Variants in C1orf105 observed in about 807,000 individuals in gnomAD.
C1orf105 encodes the protein chromosome 1 open reading frame 105, also known as uncharacterized protein C1orf105.
A neutral mutation model predicts 20.8 loss-of-function variants in C1orf105; 17 were observed. The observed-to-expected ratio is 0.82, with a 90% CI of 0.56 to 1.23. C1orf105 has a LOEUF of 1.23. Among genes scored for constraint, C1orf105 ranks in the 50% most tolerant of loss-of-function variants. The pLI, the probability that C1orf105 is intolerant of heterozygous loss-of-function variation, is 0.00. For synonymous variants in C1orf105, 72 were observed against 72.1 expected (o/e 1.00, Z 0.01); for missense variants, 219 against 213.5 (o/e 1.03, Z -0.16).
At chr1:172,465,509 A>G (rs1649984440) in intron 6 of C1orf105, 146 bp downstream of exon 6, 1 of 728,132 alleles carries the variant, frequency 1.4e-6, no homozygotes, top group African/African-American at 1.7e-5. Context: ...TTGTCTTTTG[A>G]CCTGCTGGAA....
rs926448808 is a variant in C1orf105, at chr1:172,426,672, C to T, written c.21+5766C>T. ...TCCAAAATTAAAACCTTGTCTTTCCCCACTCTCTCATCTCTATATCCTATC... is the reference window on the plus strand; with the variant it reads ...TCCAAAATTAAAACCTTGTCTTTCCTCACTCTCTCATCTCTATATCCTATC... On this transcript the variant is annotated intron_variant, in intron 1 of 6. Transcript: ENST00000367727. 2.6e-5 allele frequency among the ~76,000 whole-genome samples: 4 copies of T among 151,586 alleles called. 1 individual carries two copies. The Middle Eastern group carries it at 0.014, about 516-fold the overall frequency.
chr1:172,425,706 G>C (rs1463384892), intron 1 of C1orf105, among the ~76,000 whole-genome samples: 1 of 152,098 alleles, frequency 6.6e-6, no homozygotes, highest in Non-Finnish European at 1.5e-5. Context: ...CTGTTCTGAG[G>C]AGGTTTGTGA....
At chr1:172,466,995 G>A (rs1283267942) in intron 6 of C1orf105, among the ~76,000 whole-genome samples, 3 of 152,150 alleles carry the variant, frequency 2.0e-5, no homozygotes, top group Non-Finnish European at 4.4e-5. Flanking sequence ...ATGAGACCTC[G>A]GTAGGAATCC....
chr1:172,426,711 T>C (rs1362636071), intron 1 of C1orf105, among the ~76,000 whole-genome samples: 3 of 152,148 alleles, frequency 2.0e-5, no homozygotes, highest in African/African-American at 7.2e-5. Flanking sequence ...CTAGCCTACT[T>C]CTATTGTTTT....
intron 1 of C1orf105, chr1:172,443,855 T>G: frequency 1.7e-6 from 1 of 572,330 alleles, no homozygotes; most frequent in East Asian, 1.5e-4. Context: ...CCTTCACTCT[T>G]CTGGCACCCC....
At chr1:172,434,267 C>A (rs2071964870) in intron 1 of C1orf105, among the ~76,000 whole-genome samples, 1 of 152,204 alleles carries the variant, frequency 6.6e-6, no homozygotes, top group African/African-American at 2.4e-5. Context: ...TAGACATCTA[C>A]AAAACTCTCC....
chr1:172,442,513 A>G (rs1489754694), intron 1 of C1orf105: 1 of 1,614,152 alleles, frequency 6.2e-7, no homozygotes, highest in Admixed American at 1.7e-5. Flanking sequence ...GTTTTTCCGG[A>G]GCTCTTCCAG....
intron 3 of C1orf105, chr1:172,452,859 A>G: frequency 6.9e-7 from 1 of 1,439,968 alleles, no homozygotes; most frequent in Non-Finnish European, 9.1e-7. Context: ...CTGGCTCTAG[A>G]CCTGATAAAA....
At chr1:172,426,687 T>C (rs1266717455) in intron 1 of C1orf105, among the ~76,000 whole-genome samples, 4 of 152,274 alleles carry the variant, frequency 2.6e-5, no homozygotes, top group African/African-American at 9.6e-5. Flanking sequence ...CTCTCATCTC[T>C]ATATCCTATC....
In C1orf105 at chr1:172,468,504, A is replaced by T; in HGVS notation, c.462A>T (p.Gly154=). The change falls in exon 7 of 7, where the codon GGA becomes GGT. Residue 154 remains glycine (G), a synonymous_variant. Coordinates refer to ENST00000367727, the MANE Select transcript of C1orf105 (RefSeq NM_139240.4). The stretch of plus-strand genomic sequence containing the variant: ...GCCCCAGGACAGCTGTCTTCCACGG[A>T]TTACTGACAGAGGCCTACAAAACTC... The part of the protein sequence containing the change: ...ILGPRTAVFH[G]LLTEAYKTLK... 6.2e-7 allele frequency: 1 copy of T among 1,613,956 alleles called. No individual in the cohort carries two copies. Among genetic ancestry groups the T allele is most frequent in the South Asian group, 1.1e-5 (1 of 91,064 alleles).
intron 1 of C1orf105, among the ~76,000 whole-genome samples, chr1:172,423,374 A>G (rs2071639291): frequency 6.6e-6 from 1 of 152,248 alleles, no homozygotes; most frequent in African/African-American, 2.4e-5. Context: ...GATATTATCT[A>G]GGACCACCAA....
intron 1 of C1orf105, among the ~76,000 whole-genome samples, chr1:172,429,539 A>C (rs1339040692): frequency 6.6e-6 from 1 of 152,192 alleles, no homozygotes; most frequent in Non-Finnish European, 1.5e-5. Context: ...ACAGGTTTGA[A>C]ATTTTGTATA....
intron 3 of C1orf105, among the ~76,000 whole-genome samples, chr1:172,455,935 A>G (rs761765313): frequency 3.3e-5 from 5 of 152,176 alleles, no homozygotes; most frequent in Admixed American, 6.5e-5. Context: ...TGCTTAGGAA[A>G]GGCCCGTGAA....
At chr1:172,465,175 A>G in intron 5 of C1orf105, 124 bp from the exon 6 acceptor site, 80 of 280,972 alleles carry the variant, frequency 2.8e-4, no homozygotes, top group East Asian at 4.7e-4. Flanking sequence ...AAGCGCAAAA[A>G]CTCCATCTCA....
chr1:172,462,422 CT>C (rs1449625719), intron 5 of C1orf105, among the ~76,000 whole-genome samples, 177 bp downstream of exon 5: 2 of 152,146 alleles, frequency 1.3e-5, no homozygotes, highest in African/African-American at 2.4e-5. Context: ...GAAAGTTCAC[CT>C]TTTTGCTTGA....
intron 1 of C1orf105, among the ~76,000 whole-genome samples, chr1:172,424,390 CTTTT>C (rs1553257622): frequency 2.6e-5 from 4 of 152,138 alleles, no homozygotes; most frequent in Non-Finnish European, 4.4e-5. Context: ...ATTCCCTTCT[CTTTT>C]TTATTTTGTT....
At chr1:172,457,769 T>C (rs1649396138) in intron 4 of C1orf105, among the ~76,000 whole-genome samples, 1 of 152,186 alleles carries the variant, frequency 6.6e-6, no homozygotes, top group South Asian at 2.1e-4. Flanking sequence ...CCAGGAATGA[T>C]AGAAGTGGAG....
At position 172,445,192 on chromosome 1, in the gene C1orf105, C is replaced by T. The variant is rs199500420; in HGVS notation, c.107+34C>T. 44 of 1,498,850 alleles carry T rather than the reference C, an allele frequency of 2.9e-5. No homozygotes were observed. The East Asian group carries it at 5.2e-4, about 18-fold the overall frequency. 92.8% of individuals were successfully genotyped at this position (1,498,850 alleles called of 1,614,324 possible). On this transcript the variant is annotated intron_variant, in intron 2 of 6. Coordinates refer to ENST00000367727, the MANE Select transcript of C1orf105 (RefSeq NM_139240.4). ...TCAGCCACCGAGGGCAAAAGTTTTA[C>T]GAAACATCTCACAGAAGATGATTTC...
In C1orf105 at chr1:172,468,649, C is replaced by A; in HGVS notation, c.*55C>A. ...CCAGAGAGAAAATAACCTCGCCAAG[C>A]CAATCTTTGACACTGGCACCTTCTC... On this transcript the variant is annotated 3_prime_UTR_variant, in exon 7 of 7. Coordinates refer to ENST00000367727, the MANE Select transcript of C1orf105 (RefSeq NM_139240.4). 1 of 1,548,242 alleles carries A rather than the reference C, an allele frequency of 6.5e-7. No homozygotes were observed. The highest frequency in any genetic ancestry group is 8.8e-7 in the Non-Finnish European group (1 of 1,139,406).
Sources: allele counts gnomAD v4.1 joint callset (sites outside exome capture counted in the v4.1 genomes callset), GRCh38; gene constraint gnomAD v4.1.1; transcripts MANE v1.5; gene names NCBI Gene and HGNC (gene_info 2026-07-23, HGNC 2026-07-21).